Variants in ARHGEF3 observed in about 807,000 individuals in gnomAD.
The protein encoded by ARHGEF3 is Rho guanine nucleotide exchange factor 3, also known as 59.8 kDA protein.
A neutral mutation model predicts 63.2 loss-of-function variants in ARHGEF3; 28 were observed. That is an observed-to-expected ratio of 0.44 (90% CI 0.33 to 0.61). The LOEUF (loss-of-function observed/expected upper bound fraction) is 0.61. ARHGEF3 is among the 20% of genes least tolerant of loss of function. The pLI is 0.03. For synonymous variants in ARHGEF3, 266 were observed against 254.2 expected (o/e 1.05, Z -0.44); for missense variants, 533 against 659.3 (o/e 0.81, Z 2.10).
intron 3 of ARHGEF3, among the ~76,000 whole-genome samples, chr3:56,932,314 C>T (rs1288739948): frequency 6.6e-6 from 1 of 152,096 alleles, no homozygotes; most frequent in East Asian, 1.9e-4. Context: ...TCATGTATAA[C>T]CTCACTTCCC....
At chr3:56,795,270 T>A (rs1394394228) in intron 1 of ARHGEF3, among the ~76,000 whole-genome samples, 1 of 152,186 alleles carries the variant, frequency 6.6e-6, no homozygotes, top group Non-Finnish European at 1.5e-5. Context: ...TGGCAGCAGA[T>A]AAGAATTGGG....
At chr3:56,835,840 CT>C (rs1182915849) in intron 4 of ARHGEF3, among the ~76,000 whole-genome samples, 3 of 152,202 alleles carry the variant, frequency 2.0e-5, no homozygotes, top group Admixed American at 6.5e-5. Flanking sequence ...TGGTTCACCC[CT>C]GACCTCTGGG....
chr3:56,985,425 T>C (rs935986270), intron 2 of ARHGEF3, among the ~76,000 whole-genome samples: 5 of 152,236 alleles, frequency 3.3e-5, no homozygotes, highest in Non-Finnish European at 7.3e-5. Context: ...ATACACATTC[T>C]CTTTAAAAAT....
Position 56,795,655 on chromosome 3 carries a change from C to CTCTTTT in ARHGEF3, c.96+6047_96+6048insAAAAGA, listed in dbSNP as rs57400467. On this transcript the variant is annotated intron_variant, in intron 1 of 9. Transcript: ENST00000296315. ...TTAACTTGTGACACAGTCTCTCTCT[C>CTCTTTT]TTTTTTTTTTTTGAAGATGGACTCT... 8.4e-5 allele frequency among the ~76,000 whole-genome samples: 11 copies of CTCTTTT among 130,564 alleles called. 1 individual carries two copies. Among genetic ancestry groups the CTCTTTT allele is most frequent in the African/African-American group, 1.8e-4 (6 of 34,240 alleles). The allele number at this position is 130,564 out of a possible 152,430, so 85.7% of individuals were successfully genotyped here. A position where few individuals can be genotyped will look rare whatever the true frequency, so the allele number is the denominator to read the frequency against.
At chr3:56,958,676 T>C in intron 3 of ARHGEF3, 1 of 832,632 alleles carries the variant, frequency 1.2e-6, no homozygotes, top group South Asian at 1.8e-5. Flanking sequence ...GATTCAAGTG[T>C]GACTTCCCCA....
At chr3:56,737,418 T>C (rs1195288626) in intron 7 of ARHGEF3, 63 bp from the exon 8 acceptor site, 1 of 1,419,186 alleles carries the variant, frequency 7.0e-7, no homozygotes, top group Non-Finnish European at 9.7e-7. Context: ...CACCAAGTCT[T>C]AGGGGCTCAG....
At chr3:56,792,579 C>A (rs1578524849) in intron 1 of ARHGEF3, among the ~76,000 whole-genome samples, 1 of 152,258 alleles carries the variant, frequency 6.6e-6, no homozygotes, top group African/African-American at 2.4e-5. Flanking sequence ...CCTCTCTGAC[C>A]CTTGGTATCT....
At position 57,011,308 on chromosome 3, in the gene ARHGEF3, G is replaced by A. The variant is rs151202250; in HGVS notation, c.62+23780C>T. 1.4e-3 allele frequency among the ~76,000 whole-genome samples: 211 copies of A among 152,282 alleles called. 1 individual carries two copies. Among genetic ancestry groups the A allele is most frequent in the African/African-American group, 3.4e-3 (141 of 41,536 alleles). On this transcript the variant is annotated intron_variant, in intron 2 of 12. Coordinates refer to the ARHGEF3 transcript ENST00000338458. ...GATTTCACCTTTTTTCTGCCCTAGC[G>A]GTGAACTCCCTAAAGATTTCCCACG...
rs186983301 is a variant in ARHGEF3 at position 56,869,104 on chromosome 3, G to C, written c.192+13188C>G. On this transcript the variant is annotated intron_variant, in intron 4 of 12. Transcript: ENST00000338458. ...AAGCTCTTTAGATTTATTGATTTTA[G>C]TGCTGAGTAGAGGATTCCTGTTTTG... 1.9e-3 allele frequency among the ~76,000 whole-genome samples: 285 copies of C among 152,096 alleles called. 1 individual carries two copies. The highest frequency in any genetic ancestry group is 6.6e-3 in the African/African-American group (274 of 41,482).
chr3:56,861,865 G>GTT lies in ARHGEF3; in HGVS notation c.192+20425_192+20426dup, dbSNP rs10707315. Among the ~76,000 whole-genome samples the GTT allele has an allele frequency of 3.7e-3, 530 of 141,766 alleles. 1 individual carries two copies. Among genetic ancestry groups the GTT allele is most frequent in the African/African-American group, 0.013 (508 of 38,668 alleles). 93.0% of individuals were successfully genotyped at this position (141,766 alleles called of 152,430 possible). A position where few individuals can be genotyped will look rare whatever the true frequency, so the allele number is the denominator to read the frequency against. On this transcript the variant is annotated intron_variant, in intron 4 of 12. Coordinates refer to the ARHGEF3 transcript ENST00000338458. Reference sequence around the variant, plus strand: ...GTGAATGAAGCCTTCTAACCTGTTGGTTTTTTTTTTTTTTTTTAACTCTCT... The same window carrying GTT: ...GTGAATGAAGCCTTCTAACCTGTTGGTTTTTTTTTTTTTTTTTTTAACTCTCT...
chr3:56,861,872 T>G (rs1159851074), intron 4 of ARHGEF3, among the ~76,000 whole-genome samples: 1 of 151,838 alleles, frequency 6.6e-6, no homozygotes, highest in East Asian at 1.9e-4. Flanking sequence ...TTGGTTTTTT[T>G]TTTTTTTTTT....
chr3:56,801,455 G>A (rs1420277776), intron 1 of ARHGEF3, among the ~76,000 whole-genome samples: 1 of 152,256 alleles, frequency 6.6e-6, no homozygotes, highest in Non-Finnish European at 1.5e-5. Context: ...AGAGGGACAG[G>A]GAGAGAGGAG....
At chr3:56,782,127 A>ACT (rs1342933197) in intron 1 of ARHGEF3, among the ~76,000 whole-genome samples, 2 of 152,192 alleles carry the variant, frequency 1.3e-5, no homozygotes, top group East Asian at 3.8e-4. Flanking sequence ...AATAATAATG[A>ACT]AATAATTGTT....
chr3:57,061,670 G>C (rs951350514), intron 1 of ARHGEF3, among the ~76,000 whole-genome samples: 8 of 152,160 alleles, frequency 5.3e-5, no homozygotes, highest in Non-Finnish European at 1.2e-4. Flanking sequence ...GGAATTGCTG[G>C]ACTATATGAT....
At chr3:56,772,904 CA>C in intron 2 of ARHGEF3, among the ~76,000 whole-genome samples, 1 of 152,086 alleles carries the variant, frequency 6.6e-6, no homozygotes, top group South Asian at 2.1e-4. Context: ...ATGGAAAAAA[CA>C]TTTTTTTAAT....
At chr3:56,779,300 G>A (rs2036433253) in intron 1 of ARHGEF3, among the ~76,000 whole-genome samples, 1 of 152,066 alleles carries the variant, frequency 6.6e-6, no homozygotes, top group Non-Finnish European at 1.5e-5. Context: ...TAATGCCTGG[G>A]ATCTACTTCA....
intron 4 of ARHGEF3, among the ~76,000 whole-genome samples, chr3:56,815,857 C>G (rs2108019472): frequency 6.6e-6 from 1 of 152,278 alleles, no homozygotes; most frequent in East Asian, 1.9e-4. Flanking sequence ...TCCCTTCTGC[C>G]CTTCAAGGGT....
At chr3:56,826,668 A>G (rs1280444080) in intron 4 of ARHGEF3, among the ~76,000 whole-genome samples, 1 of 152,196 alleles carries the variant, frequency 6.6e-6, no homozygotes, top group East Asian at 1.9e-4. Context: ...TACCTCCAAA[A>G]GCTTCATTTG....
rs1053754788 is a variant in ARHGEF3 at position 56,919,203 on chromosome 3, A to G, written c.130-36849T>C. 1.1e-4 allele frequency among the ~76,000 whole-genome samples: 16 copies of G among 152,340 alleles called. No individual in the cohort carries two copies. The East Asian group carries it at 3.1e-3, about 29-fold the overall frequency. The stretch of plus-strand genomic sequence containing the variant: ...ATAGAAGCCTGAAATTCAGGGTTTT[A>G]TGTAAAATCTCTCAATTTGTAAATG... On this transcript the variant is annotated intron_variant, in intron 3 of 12. Transcript: ENST00000338458.
Sources: allele counts gnomAD v4.1 joint callset (sites outside exome capture counted in the v4.1 genomes callset), GRCh38; gene constraint gnomAD v4.1.1; transcripts MANE v1.5; gene names NCBI Gene and HGNC (gene_info 2026-07-23, HGNC 2026-07-21).